HDX: variants seen among roughly 807,000 people sequenced by gnomAD.
HDX encodes the protein chromosome X open reading frame 43.
A neutral mutation model predicts 45.2 loss-of-function variants in HDX; 19 were observed. That is an observed-to-expected ratio of 0.42 (90% confidence interval 0.29 to 0.62). HDX has a LOEUF of 0.62. Among genes scored for constraint, HDX ranks in the 20% least tolerant of loss-of-function variants. HDX has a pLI of 0.20. For synonymous variants in HDX, 188 were observed against 172.8 expected, an observed-to-expected ratio of 1.09 and a Z score of -0.69; for missense variants, 532 against 493.9, an observed-to-expected ratio of 1.08 and a Z score of -0.73.
intron 4 of HDX, among the ~76,000 whole-genome samples, chrX:84,460,521 A>C (rs970108327): frequency 8.9e-6 from 1 of 111,784 alleles, no homozygotes; most frequent in African/African-American, 3.3e-5. Context: ...AATGATTCTC[A>C]AAAACTGGGT....
chrX:84,499,741 G>A (rs975407923), intron 1 of HDX, among the ~76,000 whole-genome samples: 1 of 105,905 alleles, frequency 9.4e-6, no homozygotes, highest in African/African-American at 3.4e-5. Flanking sequence ...AGTGAAATAT[G>A]TGAAAAACCT....
chrX:84,438,228 T>C (rs1284579349), intron 5 of HDX, among the ~76,000 whole-genome samples: 1 of 111,191 alleles, frequency 9.0e-6, no homozygotes, highest in Non-Finnish European at 1.9e-5. Flanking sequence ...TTCAGAATTC[T>C]CCTTTGGTGG....
intron 6 of HDX, among the ~76,000 whole-genome samples, chrX:84,352,533 A>C (rs1426055595): frequency 9.0e-6 from 1 of 111,562 alleles, no homozygotes; most frequent in Admixed American, 9.6e-5. Flanking sequence ...TTTACGAGGC[A>C]CATGAGACAT....
chrX:84,375,401 A>G (rs1022892975), intron 5 of HDX, among the ~76,000 whole-genome samples: 2 of 111,110 alleles, frequency 1.8e-5, no homozygotes, highest in Non-Finnish European at 3.8e-5. Flanking sequence ...CTGGGTATAT[A>G]CCCAAAGGAT....
chrX:84,412,475 T>C (rs1390405388), intron 5 of HDX, among the ~76,000 whole-genome samples: 1 of 111,912 alleles, frequency 8.9e-6, no homozygotes, highest in Non-Finnish European at 1.9e-5. Context: ...ATTTTTCTAA[T>C]AGTGCAATGC....
intron 5 of HDX, among the ~76,000 whole-genome samples, chrX:84,409,794 G>C (rs2038940419): frequency 1.9e-5 from 2 of 106,461 alleles, no homozygotes; most frequent in African/African-American, 6.9e-5. Context: ...AATGGGTGCA[G>C]CACACCAACA....
chrX:84,334,945 T>C (rs1046305991), intron 8 of HDX, among the ~76,000 whole-genome samples: 2 of 110,899 alleles, frequency 1.8e-5, no homozygotes, highest in African/African-American at 6.5e-5. Flanking sequence ...TATACATATA[T>C]GAACACACAT....
At chrX:84,401,714 C>A (rs1347085774) in intron 5 of HDX, among the ~76,000 whole-genome samples, 1 of 111,662 alleles carries the variant, frequency 9.0e-6, no homozygotes, top group Non-Finnish European at 1.9e-5. Context: ...GGGTATATAC[C>A]CAAAGCAATA....
At chrX:84,498,475 A>G (rs1411716960) in intron 1 of HDX, among the ~76,000 whole-genome samples, 3 of 111,698 alleles carry the variant, frequency 2.7e-5, no homozygotes, top group Non-Finnish European at 5.7e-5. Context: ...GTACCTAGAT[A>G]TAGTGTACTC....
chrX:84,404,516 T>C (rs2038773951), intron 5 of HDX, among the ~76,000 whole-genome samples: 1 of 111,365 alleles, frequency 9.0e-6, no homozygotes, highest in African/African-American at 3.3e-5. Flanking sequence ...ACCAATTCAA[T>C]TCAATATGTT....
chrX:84,384,951 C>G (rs951348039), intron 5 of HDX, among the ~76,000 whole-genome samples: 8 of 110,163 alleles, frequency 7.3e-5, no homozygotes, highest in African/African-American at 2.6e-4. Flanking sequence ...TGTCTGAAGT[C>G]ACGTAGTATA....
chrX:84,484,742 CATT>C (rs1484726893), intron 2 of HDX, among the ~76,000 whole-genome samples: 1 of 111,720 alleles, frequency 9.0e-6, no homozygotes, highest in Non-Finnish European at 1.9e-5. Flanking sequence ...AATGGTATCT[CATT>C]GTGGTTTTAT....
intron 5 of HDX, among the ~76,000 whole-genome samples, chrX:84,365,992 G>C (rs1468344207): frequency 9.0e-6 from 1 of 111,462 alleles, no homozygotes; most frequent in Admixed American, 9.6e-5. Flanking sequence ...AGGGCAATCA[G>C]GCAAGAGAAA....
rs762178558 is a variant in HDX, at chrX:84,421,375, G to A, written c.1305+19157C>T. Among the ~76,000 whole-genome samples the A allele has an allele frequency of 9.0e-5, 10 of 111,283 alleles. No homozygotes were observed. The East Asian group carries it at 2.8e-3, about 31-fold the overall frequency. On this transcript the variant is annotated intron_variant, in intron 5 of 10. Transcript: ENST00000373177. ...AGTTGTTATCAGGTTAAAATAATGG[G>A]TTATAAAATAGTATTTGAATGCCTC...
intron 6 of HDX, among the ~76,000 whole-genome samples, chrX:84,360,390 C>A (rs181046180): frequency 2.7e-4 from 30 of 111,971 alleles, no homozygotes; most frequent in Admixed American, 2.0e-3. Context: ...CAATTCACCT[C>A]ATGTAATTTT....
At chrX:84,380,258 C>G (rs184353713) in intron 5 of HDX, among the ~76,000 whole-genome samples, 1,232 of 109,516 alleles carry the variant, frequency 0.011, 12 homozygotes, top group Middle Eastern at 0.058. Flanking sequence ...AAACCAGGAC[C>G]CAGTGGTTTC....
intron 3 of HDX, 51 bp from the exon 4 acceptor site, chrX:84,469,626 G>C (rs2040420237): frequency 5.9e-6 from 6 of 1,010,085 alleles, no homozygotes; most frequent in Non-Finnish European, 7.9e-6. Flanking sequence ...AACAAACGAA[G>C]AAAAAACAAA....
At chrX:84,406,505 C>A (rs757555720) in intron 5 of HDX, among the ~76,000 whole-genome samples, 1 of 64,435 alleles carries the variant, frequency 1.6e-5, no homozygotes, top group South Asian at 1.4e-3. Flanking sequence ...CACACATACA[C>A]ACACACACAC....
At chrX:84,336,471 T>C (rs1338056516) in intron 8 of HDX, among the ~76,000 whole-genome samples, 1 of 111,321 alleles carries the variant, frequency 9.0e-6, no homozygotes, top group Non-Finnish European at 1.9e-5. Context: ...CTGTTTTAAT[T>C]CTGCCATCCA....
Sources: gnomAD v4.1 joint callset for allele counts (sites outside exome capture counted in the v4.1 genomes callset) on GRCh38, gnomAD v4.1.1 for gene constraint, MANE v1.5 for transcripts, NCBI Gene and HGNC (gene_info 2026-07-23, HGNC 2026-07-21) for gene names.